MAP3K15: variants seen among roughly 807,000 people sequenced by gnomAD.
MAP3K15 encodes the protein mitogen-activated protein kinase kinase kinase 15, also known as MAPK/ERK kinase kinase 15.
A neutral mutation model predicts 99.5 loss-of-function variants in MAP3K15; 124 were observed. The observed-to-expected ratio is 1.25, with a 90% CI of 1.08 to 1.45. MAP3K15 has a LOEUF of 1.45. MAP3K15 is among the 40% of genes most tolerant of loss of function. MAP3K15 has a pLI of 0.00. For missense variants in MAP3K15, 1,242 were observed against 1,079.7 expected (o/e 1.15, Z -2.11); for synonymous variants, 494 against 439.6 (o/e 1.12, Z -1.55).
At chrX:19,445,949 A>AAAATCAAT (rs1409366629) in intron 6 of MAP3K15, among the ~76,000 whole-genome samples, 4 of 100,068 alleles carry the variant, frequency 4.0e-5, no homozygotes, top group Admixed American at 2.2e-4. Context: ...CTCCATCTCA[A>AAAATCAAT]AAATCAATAA....
In MAP3K15 at chrX:19,418,821, C is replaced by T. The variant is rs1459800550; in HGVS notation, c.1440-3564G>A. Among the ~76,000 whole-genome samples, 4 of 112,122 alleles carry T rather than the reference C, an allele frequency of 3.6e-5. No individual in the cohort carries two copies. In the Admixed American group the frequency reaches 3.8e-4, roughly 11 times the overall value. On this transcript the variant is annotated intron_variant, in intron 9 of 28. Transcript: ENST00000338883. ...AGGTTACCCACAAAGGGAAGCCCATCAGACTAACAGCTGATCTCTCTGCAG... is the reference window on the plus strand; with the variant it reads ...AGGTTACCCACAAAGGGAAGCCCATTAGACTAACAGCTGATCTCTCTGCAG...
intron 28 of MAP3K15, 135 bp downstream of exon 28, chrX:19,361,203 CT>C: frequency 5.9e-6 from 3 of 505,874 alleles, no homozygotes; most frequent in Non-Finnish European, 9.7e-6. Flanking sequence ...TCTGCCCCAC[CT>C]TGGCTTTTTC....
chrX:19,464,176 G>A (rs1458007271), intron 4 of MAP3K15, 37 bp downstream of exon 4: 3 of 1,100,452 alleles, frequency 2.7e-6, no homozygotes, highest in South Asian at 2.0e-5. Flanking sequence ...ACATCTTGGT[G>A]AGTCTCCAGG....
Position 19,391,535 on chromosome X carries a change from T to C in MAP3K15, c.2431+467A>G, listed in dbSNP as rs1483283549. On this transcript the variant is annotated intron_variant, in intron 18 of 28. Coordinates refer to ENST00000338883, the MANE Select transcript of MAP3K15 (RefSeq NM_001001671.4). ...TCTACTGAAAATAGAAAATTAGGTG[T>C]GGTAGGGGGCGCGCCTATAATCCAA... 2.9e-5 allele frequency among the ~76,000 whole-genome samples: 3 copies of C among 104,997 alleles called. No individual in the cohort carries two copies. The Admixed American group carries it at 3.1e-4, about 11-fold the overall frequency. The allele number at this position is 104,997 out of a possible 115,157, so 91.2% of individuals were successfully genotyped here. A position where few individuals can be genotyped will look rare whatever the true frequency, so the allele number is the denominator to read the frequency against.
chrX:19,495,902 G>C (rs2064398039), intron 1 of MAP3K15, among the ~76,000 whole-genome samples: 2 of 110,742 alleles, frequency 1.8e-5, no homozygotes, highest in Admixed American at 9.7e-5. Context: ...ACTGCAGTGA[G>C]CTATGATTGT....
At chrX:19,388,259 T>C (rs1436206017) in intron 18 of MAP3K15, among the ~76,000 whole-genome samples, 1 of 111,825 alleles carries the variant, frequency 8.9e-6, no homozygotes, top group East Asian at 2.8e-4. Context: ...AAGCGATGAG[T>C]CCTTTTTAAT....
chrX:19,425,796 G>T, intron 8 of MAP3K15, 106 bp from the exon 9 acceptor site: 1 of 753,141 alleles, frequency 1.3e-6, no homozygotes, highest in African/African-American at 2.1e-5. Flanking sequence ...TGTGCTATAG[G>T]AAAAGTAACT....
At position 19,361,557 on chromosome X, in the gene MAP3K15, C is replaced by T; in HGVS notation, c.3716G>A (p.Arg1239Lys). ...TENPAGPYGQ[R>K]TDKELIDWLR... ...CCAGTCTATAAGCTCTTTATCTGTT[C>T]TCTGCCCGTAGGGGCCTGCTGGGTT... Residue 1239 changes from arginine to lysine, a missense_variant, in exon 27 of 29, where the codon AGA (arginine) becomes AAA (lysine). By Grantham distance (26) the Arg-to-Lys change is conservative. Coordinates refer to ENST00000338883, the MANE Select transcript of MAP3K15 (RefSeq NM_001001671.4). 1 of 1,211,245 alleles carries T rather than the reference C, an allele frequency of 8.3e-7. No homozygotes were observed. The highest frequency in any genetic ancestry group is 1.7e-5 in the African/African-American group (1 of 57,896).
intron 18 of MAP3K15, among the ~76,000 whole-genome samples, chrX:19,388,260 C>A (rs1272554022): frequency 8.9e-6 from 1 of 112,103 alleles, no homozygotes; most frequent in Admixed American, 9.5e-5. Flanking sequence ...AGCGATGAGT[C>A]CTTTTTAATT....
At position 19,398,338 on chromosome X, in the gene MAP3K15, T is replaced by G. The variant is rs769056939; in HGVS notation, c.1954A>C (p.Asn652His). The change falls in exon 15 of 29, where the codon AAT becomes CAT. Residue 652 changes from asparagine (N) to histidine (H), a missense_variant. Asn to His is a moderately conservative substitution (Grantham distance 68). Coordinates refer to ENST00000338883, the MANE Select transcript of MAP3K15 (RefSeq NM_001001671.4). The stretch of plus-strand genomic sequence containing the variant: ...TTCCCCAAGACAACTCTCTCACCAT[T>G]TGCATCATGGTCATACTCATACTGA... ...TLEYEYDHDA[N>H]GERVVLGKGT... The G allele has an allele frequency of 1.1e-5, 13 of 1,209,223 alleles. No homozygotes were observed. In the East Asian group the frequency reaches 3.0e-4, roughly 28 times the overall value.
Position 19,411,871 on chromosome X carries a change from C to A in MAP3K15, c.1698+1486G>T, listed in dbSNP as rs752244524. 2.7e-5 allele frequency among the ~76,000 whole-genome samples: 3 copies of A among 112,008 alleles called. No homozygotes were observed. In the South Asian group the frequency reaches 1.1e-3, roughly 42 times the overall value. On this transcript the variant is annotated intron_variant, in intron 11 of 28. Transcript: ENST00000338883. ...GAGCTCATGGGCAAATCATGCAGGA[C>A]TTCTAGGCCACCCTCGGGATGTCAG...
chrX:19,405,821 G>A (rs1365349075), intron 13 of MAP3K15, among the ~76,000 whole-genome samples: 2 of 111,907 alleles, frequency 1.8e-5, no homozygotes, highest in African/African-American at 6.5e-5. Context: ...TGTGGTAAGG[G>A]GTAAACCCTG....
chrX:19,488,822 C>G lies in MAP3K15; in HGVS notation c.501+6G>C. The stretch of plus-strand genomic sequence containing the variant: ...AAGTACTCAGGAGAAGGTGAATACA[C>G]TGTACCTTCAAAGAGAGAGCAGTGT... On this transcript the variant is annotated splice_donor_region_variant and intron_variant, in intron 2 of 28. Transcript: ENST00000338883. 3.3e-6 allele frequency: 4 copies of G among 1,196,499 alleles called. No homozygotes were observed. Among genetic ancestry groups the G allele is most frequent in the Non-Finnish European group, 4.5e-6 (4 of 892,415 alleles).
chrX:19,410,519 A>G, intron 11 of MAP3K15, among the ~76,000 whole-genome samples: 1 of 111,929 alleles, frequency 8.9e-6, no homozygotes, highest in East Asian at 2.8e-4. Flanking sequence ...CTGACTCAAA[A>G]ACTCCACAGC....
intron 3 of MAP3K15, among the ~76,000 whole-genome samples, chrX:19,474,379 C>T (rs778904920): frequency 1.8e-5 from 2 of 110,648 alleles, no homozygotes; most frequent in South Asian, 7.8e-4. Context: ...TCTATCTAAA[C>T]CTCAGTTTTC....
rs916025295 is a variant in MAP3K15 at position 19,411,769 on chromosome X, G to A, written c.1698+1588C>T. On this transcript the variant is annotated intron_variant, in intron 11 of 28. Transcript: ENST00000338883. ...AAGGCCCTGAGGAGGGGTGTGCCTGGCACGTTCGGGGACCAACAAAGAGGC... is the reference window on the plus strand; with the variant it reads ...AAGGCCCTGAGGAGGGGTGTGCCTGACACGTTCGGGGACCAACAAAGAGGC... Among the ~76,000 whole-genome samples the A allele has an allele frequency of 1.5e-4, 17 of 111,467 alleles. 1 individual carries two copies. Among genetic ancestry groups the A allele is most frequent in the Admixed American group, 2.9e-4 (3 of 10,478 alleles).
In MAP3K15 at chrX:19,425,685, G is replaced by A; in HGVS notation, c.1285C>T (p.Arg429Trp). Residue 429 changes from arginine (R) to tryptophan (W), a missense_variant, in exon 9 of 29, where the codon CGG (arginine) becomes TGG (tryptophan). Transcript: ENST00000338883. ...TSLELRKIGVRLNSLLGRKGS... is the reference protein window; with the variant it reads ...TSLELRKIGVWLNSLLGRKGS... ...TTTCTTCCCAACAAACTGTTCAGCCGGACACCTTAAGAATTTGAATTTTTG... is the reference window on the plus strand; with the variant it reads ...TTTCTTCCCAACAAACTGTTCAGCCAGACACCTTAAGAATTTGAATTTTTG... The A allele has an allele frequency of 3.4e-6, 4 of 1,190,721 alleles. No individual in the cohort carries two copies. Among genetic ancestry groups the A allele is most frequent in the Non-Finnish European group, 4.5e-6 (4 of 890,132 alleles).
intron 18 of MAP3K15, among the ~76,000 whole-genome samples, chrX:19,381,762 G>A (rs2063459638): frequency 2.7e-5 from 3 of 111,972 alleles, no homozygotes; most frequent in South Asian, 7.4e-4. Context: ...AACATCCTTC[G>A]TTTTCCTTGA....
intron 4 of MAP3K15, among the ~76,000 whole-genome samples, chrX:19,463,265 A>G (rs2064144115): frequency 8.9e-6 from 1 of 111,831 alleles, no homozygotes; most frequent in Non-Finnish European, 1.9e-5. Flanking sequence ...GTATCCAGGG[A>G]AGAGGTGACG....
Sources: allele counts gnomAD v4.1 joint callset (sites outside exome capture counted in the v4.1 genomes callset), GRCh38; gene constraint gnomAD v4.1.1; transcripts MANE v1.5; gene names NCBI Gene and HGNC (gene_info 2026-07-23, HGNC 2026-07-21).